The following TCF25 variants were observed in gnomAD, a reference collection of about 807,000 sequenced individuals.
TCF25 encodes the protein TCF25 ribosome quality control complex subunit, also known as ribosome quality control complex subunit TCF25.
In TCF25, 41 loss-of-function variants were observed where a neutral mutation model predicts 83.1. The ratio of observed to expected loss-of-function variants is 0.49; its 90% CI spans 0.38 to 0.64. The LOEUF (loss-of-function observed/expected upper bound fraction) is 0.64. Among genes scored for constraint, TCF25 ranks in the 30% least tolerant of loss-of-function variants. The pLI, the probability that TCF25 is intolerant of heterozygous loss-of-function variation, is 0.00. For synonymous variants in TCF25, 458 were observed against 365.0 expected (o/e 1.25, Z -2.90); for missense variants, 979 against 914.5 (o/e 1.07, Z -0.91).
chr16:89,905,464 GTGAACACTTCGGAGGCTCATGCCCTAATA>G (rs2044698335), intron 14 of TCF25, among the ~76,000 whole-genome samples: 1 of 152,262 alleles, frequency 6.6e-6, no homozygotes, highest in South Asian at 2.1e-4. Context: ...TGTCCTGTGT[GTGAACACTTCGGAGGCTCATGCCCTAATA>G]TGCTGCAACT....
intron 16 of TCF25, among the ~76,000 whole-genome samples, chr16:89,907,764 C>G: frequency 9.9e-6 from 1 of 100,946 alleles, no homozygotes. Flanking sequence ...CTCCCGCCTC[C>G]CTCCTCCCAG....
chr16:89,878,501 ACTC>A (rs917287294), intron 1 of TCF25: 102 of 1,236,812 alleles, frequency 8.2e-5, no homozygotes, highest in Non-Finnish European at 1.0e-4. Context: ...AAAAGATAAA[ACTC>A]CTTCCTGGTT....
intron 16 of TCF25, chr16:89,910,182 T>TCG (rs1273683189): frequency 4.9e-6 from 1 of 204,996 alleles, no homozygotes; most frequent in East Asian, 1.4e-4. Flanking sequence ...CGGTAGCCCT[T>TCG]CGCACCGTGA....
chr16:89,882,211 GTTCATTCA>G (rs935114499), intron 1 of TCF25, among the ~76,000 whole-genome samples: 11 of 152,266 alleles, frequency 7.2e-5, no homozygotes, highest in African/African-American at 2.4e-4. Context: ...TTCAGTGGTG[GTTCATTCA>G]TTCATTCATT....
chr16:89,875,803 T>A (rs1379201657), intron 1 of TCF25, among the ~76,000 whole-genome samples: 1 of 143,124 alleles, frequency 7.0e-6, no homozygotes, highest in African/African-American at 2.6e-5. Flanking sequence ...ATTACAGGCG[T>A]GAGCCACTGC....
At chr16:89,894,592 C>A (rs1270027558) in intron 7 of TCF25, among the ~76,000 whole-genome samples, 2 of 152,198 alleles carry the variant, frequency 1.3e-5, no homozygotes. Flanking sequence ...ATAATTGGTT[C>A]AGCTTAGCAA....
Position 89,873,741 on chromosome 16 carries a change from A to T in TCF25, c.74A>T (p.His25Leu), listed in dbSNP as rs773679581. The T allele has an allele frequency of 1.1e-5, 17 of 1,611,056 alleles. No individual in the cohort carries two copies. In the South Asian group the frequency reaches 1.5e-4, roughly 15 times the overall value. Residue 25 changes from histidine (H) to leucine (L), a missense_variant, in exon 1 of 18, where the codon CAT (histidine) becomes CTT (leucine). His to Leu is a moderately conservative substitution (Grantham distance 99). Transcript: ENST00000263346. ...GAGCCCCTCGGGCCCGGCGCCTTGC[A>T]TTTCGATCTCCGTGATGACGATGAC... ...GQEPLGPGAL[H>L]FDLRDDDDAE...
chr16:89,875,820 C>CTT (rs1164528945), intron 1 of TCF25, among the ~76,000 whole-genome samples: 1,198 of 64,808 alleles, frequency 0.018, 187 homozygotes, highest in African/African-American at 0.034. Context: ...CTGCGCCTGG[C>CTT]TTTTTTTTTT....
intron 5 of TCF25, among the ~76,000 whole-genome samples, chr16:89,888,588 CA>C (rs749729484): frequency 0.061 from 6,134 of 100,788 alleles, 423 homozygotes; most frequent in African/African-American, 0.19. Context: ...AACTCCATCT[CA>C]AAAAAAAAAA....
At chr16:89,911,005 T>C in intron 17 of TCF25, 75 bp from the exon 18 acceptor site, 3 of 1,583,148 alleles carry the variant, frequency 1.9e-6, no homozygotes, top group East Asian at 2.3e-5. Context: ...GGCTCCACAG[T>C]GCCTCCTGCT....
intron 1 of TCF25, among the ~76,000 whole-genome samples, chr16:89,876,361 ACAGC>A (rs1235747601): frequency 2.0e-5 from 3 of 152,230 alleles, no homozygotes; most frequent in Admixed American, 6.5e-5. Context: ...GAGACAGTAA[ACAGC>A]CAGTTACGAC....
chr16:89,904,836 A>G, intron 13 of TCF25, 102 bp from the exon 14 acceptor site: 2 of 1,415,402 alleles, frequency 1.4e-6, no homozygotes, highest in South Asian at 1.2e-5. Context: ...GCCACAGGGC[A>G]CTCCCTGGAC....
At position 89,883,369 on chromosome 16, in the gene TCF25, G is replaced by T. The variant is rs2042750380; in HGVS notation, c.211G>T (p.Glu71Ter). ...RFELINIDDLEDDPVVNGERS... is the reference protein window; with the variant it reads ...RFELINIDDL ...TTTCCAGATAAACATTGACGATCTT[G>T]AGGATGACCCTGTGGTGAACGGGGA... The change falls in exon 2 of 18, where the codon GAG (glutamate) becomes TAG (stop). Residue 71 changes from glutamate to a stop codon, truncating the protein, a stop_gained. Coordinates refer to ENST00000263346, the MANE Select transcript of TCF25 (RefSeq NM_014972.3). LOFTEE classifies it high-confidence loss of function. The T allele has an allele frequency of 6.2e-7, 1 of 1,613,754 alleles. No individual in the cohort carries two copies. The highest frequency in any genetic ancestry group is 1.3e-5 in the African/African-American group (1 of 74,916).
intron 1 of TCF25, among the ~76,000 whole-genome samples, chr16:89,882,709 C>T (rs1323537865): frequency 6.6e-6 from 1 of 152,206 alleles, no homozygotes; most frequent in Non-Finnish European, 1.5e-5. Context: ...ACTTCAGCCT[C>T]CCAAGTAGCT....
Position 89,904,115 on chromosome 16 carries a change from C to T in TCF25, c.1382-3C>T, listed in dbSNP as rs1296787050. The T allele has an allele frequency of 3.1e-6, 5 of 1,604,414 alleles. No homozygotes were observed. Among genetic ancestry groups the T allele is most frequent in the Non-Finnish European group, 4.3e-6 (5 of 1,175,884 alleles). On this transcript the variant is annotated splice_region_variant and splice_polypyrimidine_tract_variant and intron_variant, in intron 12 of 17. Transcript: ENST00000263346. The stretch of plus-strand genomic sequence containing the variant: ...CCCCACAGAGCCTCCGCTTCCCCTG[C>T]AGTCCTCCTGCCCCTGCTCGAGTCT...
At chr16:89,881,253 T>C (rs998340852) in intron 1 of TCF25, among the ~76,000 whole-genome samples, 3 of 152,158 alleles carry the variant, frequency 2.0e-5, no homozygotes, top group African/African-American at 4.8e-5. Flanking sequence ...TGCAGCCGAG[T>C]CTCAATTCTG....
intron 8 of TCF25, among the ~76,000 whole-genome samples, chr16:89,895,556 G>A (rs960249982): frequency 1.3e-5 from 2 of 152,204 alleles, no homozygotes; most frequent in African/African-American, 2.4e-5. Flanking sequence ...TCACTGTAGC[G>A]TCGATCAGAA....
intron 16 of TCF25, chr16:89,908,886 C>T: frequency 1.6e-6 from 2 of 1,270,930 alleles, no homozygotes; most frequent in African/African-American, 1.5e-5. Context: ...GGCTTTGGGG[C>T]TCACAGGGAC....
intron 13 of TCF25, chr16:89,904,570 C>A (rs772233570): frequency 1.2e-5 from 6 of 486,760 alleles, no homozygotes; most frequent in Non-Finnish European, 2.3e-5. Flanking sequence ...ATGGTGAGAC[C>A]CCGTCTCAAA....
Sources: allele counts gnomAD v4.1 joint callset (sites outside exome capture counted in the v4.1 genomes callset), GRCh38; gene constraint gnomAD v4.1.1; transcripts MANE v1.5; gene names NCBI Gene and HGNC (gene_info 2026-07-23, HGNC 2026-07-21).